PSD3: variants seen among roughly 807,000 people sequenced by gnomAD.
The protein encoded by PSD3 is PH and SEC7 domain-containing protein 3.
PSD3 carries 49 observed loss-of-function variants against 105.5 expected under a neutral mutation model. The observed-to-expected ratio is 0.46, with a 90% confidence interval of 0.37 to 0.59. The LOEUF (loss-of-function observed/expected upper bound fraction) is 0.59, where lower values mean the gene tolerates loss of function less well. Among genes scored for constraint, PSD3 ranks in the 20% least tolerant of loss-of-function variants. The pLI is 0.00. For missense variants in PSD3, 1,561 were observed against 1,263.8 expected (o/e 1.24, Z -3.57); for synonymous variants, 557 against 457.8 (o/e 1.22, Z -2.77).
intron 4 of PSD3, among the ~76,000 whole-genome samples, chr8:18,810,816 T>A (rs1457160141): frequency 6.6e-6 from 1 of 152,184 alleles, no homozygotes; most frequent in Non-Finnish European, 1.5e-5. Context: ...CCTTTGCCAT[T>A]CTTCAGGCTG....
intron 12 of PSD3, among the ~76,000 whole-genome samples, chr8:18,575,916 C>A (rs913486483): frequency 3.3e-5 from 5 of 152,260 alleles, no homozygotes; most frequent in South Asian, 2.1e-4. Flanking sequence ...AATGCATATG[C>A]TACCAACTGT....
chr8:18,987,334 C>A (rs1825560171), intron 1 of PSD3, among the ~76,000 whole-genome samples: 2 of 151,360 alleles, frequency 1.3e-5, no homozygotes, highest in African/African-American at 4.9e-5. Flanking sequence ...TTCGCCCAGG[C>A]TAGAGTGCAG....
chr8:18,877,395 G>T (rs550794902), intron 2 of PSD3, among the ~76,000 whole-genome samples: 2 of 152,036 alleles, frequency 1.3e-5, no homozygotes, highest in Non-Finnish European at 2.9e-5. Context: ...ATATCCAGTT[G>T]TCCCAGAGCT....
At chr8:18,551,828 A>T (rs1012852331) in intron 15 of PSD3, among the ~76,000 whole-genome samples, 1 of 152,172 alleles carries the variant, frequency 6.6e-6, no homozygotes, top group African/African-American at 2.4e-5. Context: ...CCAAGCATGA[A>T]GGGACTATTA....
intron 12 of PSD3, among the ~76,000 whole-genome samples, chr8:18,595,656 A>G (rs1235434321): frequency 6.6e-6 from 1 of 152,074 alleles, no homozygotes; most frequent in African/African-American, 2.4e-5. Flanking sequence ...AAAATAAGTA[A>G]AAAACTGTCA....
chr8:18,960,563 C>T (rs1823851825), intron 1 of PSD3, among the ~76,000 whole-genome samples: 1 of 152,156 alleles, frequency 6.6e-6, no homozygotes, highest in South Asian at 2.1e-4. Context: ...CAATAGATCA[C>T]CAGCTGACAG....
At chr8:18,925,757 G>T (rs573751405) in intron 2 of PSD3, among the ~76,000 whole-genome samples, 1 of 152,136 alleles carries the variant, frequency 6.6e-6, no homozygotes, top group Admixed American at 6.6e-5. Flanking sequence ...TACTGTTAAC[G>T]AGGAAGATGA....
At chr8:18,701,895 A>G (rs576596516) in intron 9 of PSD3, among the ~76,000 whole-genome samples, 18 of 152,366 alleles carry the variant, frequency 1.2e-4, no homozygotes, top group African/African-American at 4.3e-4. Context: ...AAACATGAAA[A>G]TATCACTGGT....
chr8:19,067,092 G>A (rs1364115789), intron 1 of PSD3, among the ~76,000 whole-genome samples: 1 of 152,202 alleles, frequency 6.6e-6, no homozygotes, highest in East Asian at 1.9e-4. Context: ...AAAGATGCAA[G>A]ACTGATGAGT....
chr8:18,736,549 A>C (rs754603810), intron 9 of PSD3, among the ~76,000 whole-genome samples: 3 of 152,178 alleles, frequency 2.0e-5, no homozygotes, highest in African/African-American at 7.2e-5. Flanking sequence ...AGAGTTTGAG[A>C]AGGGAATAAT....
chr8:18,996,464 T>C (rs2129473926), intron 1 of PSD3, among the ~76,000 whole-genome samples: 1 of 152,030 alleles, frequency 6.6e-6, no homozygotes, highest in South Asian at 2.1e-4. Flanking sequence ...TGATTTTTGA[T>C]GGAGATGGGA....
intron 1 of PSD3, among the ~76,000 whole-genome samples, chr8:19,010,892 T>C (rs1299552750): frequency 2.0e-5 from 3 of 151,850 alleles, no homozygotes; most frequent in Admixed American, 6.6e-5. Context: ...CAAGGACCTC[T>C]GTGCTTGGCC....
chr8:18,583,573 C>T (rs1413937631), intron 12 of PSD3, among the ~76,000 whole-genome samples: 1 of 152,124 alleles, frequency 6.6e-6, no homozygotes, highest in East Asian at 1.9e-4. Flanking sequence ...GTTCCCCAAA[C>T]ACGCTGTATC....
At position 18,872,861 on chromosome 8, in the gene PSD3, C is replaced by A. The variant is rs899570057; in HGVS notation, c.131-128G>T. ...AACTTGATTATTGCATTATATCAGT[C>A]CTCCCACCACCCTGTAACACACACT... On this transcript the variant is annotated intron_variant, in intron 2 of 15. Transcript: ENST00000327040. 3.4e-6 allele frequency: 3 copies of A among 879,968 alleles called. No individual in the cohort carries two copies. In the Admixed American group the frequency reaches 8.3e-5, roughly 24 times the overall value. The allele number at this position is 879,968 out of a possible 1,614,324, so 54.5% of individuals were successfully genotyped here. A position where few individuals can be genotyped will look rare whatever the true frequency, so the allele number is the denominator to read the frequency against.
chr8:18,859,737 C>G (rs7005092), intron 4 of PSD3, among the ~76,000 whole-genome samples: 13,342 of 152,272 alleles, frequency 0.088, 727 homozygotes, highest in African/African-American at 0.15. Context: ...AGCTTTTTGG[C>G]TGCAGCTCCC....
At chr8:18,966,463 C>T (rs1027908381) in intron 1 of PSD3, among the ~76,000 whole-genome samples, 1 of 151,592 alleles carries the variant, frequency 6.6e-6, no homozygotes, top group Non-Finnish European at 1.5e-5. Context: ...CCCAACTACT[C>T]GCAAGGCTGA....
intron 15 of PSD3, among the ~76,000 whole-genome samples, chr8:18,543,794 G>T (rs1800285969): frequency 6.6e-6 from 1 of 152,026 alleles, no homozygotes; most frequent in South Asian, 2.1e-4. Flanking sequence ...TACAACTATT[G>T]ATATTCTTTG....
chr8:18,860,501 G>C (rs2129455164), intron 4 of PSD3, among the ~76,000 whole-genome samples: 1 of 151,848 alleles, frequency 6.6e-6, no homozygotes, highest in South Asian at 2.1e-4. Context: ...ATAAAGCTAA[G>C]TGCAATAAAA....
intron 1 of PSD3, among the ~76,000 whole-genome samples, chr8:19,054,791 T>C (rs1302150172): frequency 6.6e-6 from 1 of 152,356 alleles, no homozygotes; most frequent in South Asian, 2.1e-4. Context: ...CAAACAATAT[T>C]AAATCCTGAT....
Sources: allele counts gnomAD v4.1 joint callset (sites outside exome capture counted in the v4.1 genomes callset), GRCh38; gene constraint gnomAD v4.1.1; transcripts MANE v1.5; gene names NCBI Gene and HGNC (gene_info 2026-07-23, HGNC 2026-07-21).